Variants in ZAR1 observed in about 807,000 individuals in gnomAD.
ZAR1 encodes the protein zygote arrest 1, also known as zygote arrest protein 1.
A neutral mutation model predicts 38.3 loss-of-function variants in ZAR1; 37 were observed. That is an observed-to-expected ratio of 0.97 (90% CI 0.74 to 1.27). The LOEUF is 1.27. Among genes scored for constraint, ZAR1 ranks in the 50% most tolerant of loss-of-function variants. ZAR1 has a pLI of 0.00. For synonymous variants in ZAR1, 336 were observed against 292.0 expected, an observed-to-expected ratio of 1.15 and a Z score of -1.53; for missense variants, 651 against 632.4, an observed-to-expected ratio of 1.03 and a Z score of -0.32.
chr4:48,490,453 C>A lies in ZAR1; in HGVS notation c.162C>A (p.Cys54Ter), dbSNP rs1309844151. 6.8e-7 allele frequency: 1 copy of A among 1,462,356 alleles called. No homozygotes were observed. The highest frequency in any genetic ancestry group is 2.5e-5 in the Admixed American group (1 of 39,506). The allele number at this position is 1,462,356 out of a possible 1,614,324, so 90.6% of individuals were successfully genotyped here. A position where few individuals can be genotyped will look rare whatever the true frequency, so the allele number is the denominator to read the frequency against. Reference sequence around the variant, plus strand: ...GCTGCCTTCCCGCCTCCTCCCCCTGCTCGGCGGGCGCGGCCTCGTTGTCCT... The same window carrying A: ...GCTGCCTTCCCGCCTCCTCCCCCTGATCGGCGGGCGCGGCCTCGTTGTCCT... The part of the protein sequence containing the change: ...GRGCLPASSP[C>*]SAGAASLSFP... Residue 54 changes from cysteine to a stop codon, truncating the protein, a stop_gained, in exon 1 of 4, where the codon TGC becomes TGA. Coordinates refer to ENST00000327939, the MANE Select transcript of ZAR1 (RefSeq NM_175619.3). LOFTEE classifies it high-confidence loss of function.
chr4:48,490,252 G>T lies in ZAR1; in HGVS notation c.-40G>T, dbSNP rs1270765830. The T allele has an allele frequency of 1.4e-6, 2 of 1,459,738 alleles. No individual in the cohort carries two copies. Among genetic ancestry groups the T allele is most frequent in the Non-Finnish European group, 1.8e-6 (2 of 1,113,316 alleles). The allele number at this position is 1,459,738 out of a possible 1,614,324, so 90.4% of individuals were successfully genotyped here. ...CTCCGCTCGGCCGCCCGGGCAAGTC[G>T]CCTATTTAGGGTGCGGCGGCGGGCG... On this transcript the variant is annotated 5_prime_UTR_variant, in exon 1 of 4. Transcript: ENST00000327939.
Position 48,491,252 on chromosome 4 carries a change from C to T in ZAR1, c.961C>T (p.Gln321Ter). The T allele has an allele frequency of 8.1e-7, 1 of 1,228,284 alleles. No homozygotes were observed. The highest frequency in any genetic ancestry group is 4.2e-5 in the Admixed American group (1 of 23,652). 76.1% of individuals were successfully genotyped at this position (1,228,284 alleles called of 1,614,324 possible). ...PELGKERLRF[Q>*]FLEQKYGYYH... ...GCTGGGCAAGGAGCGGCTGCGCTTC[C>T]AGGTAAAGCCTAGGGCGGTCAGGGC... Residue 321 changes from glutamine to a stop codon, truncating the protein, a stop_gained and splice_region_variant, in exon 1 of 4, where the codon CAG becomes TAG. Coordinates refer to ENST00000327939, the MANE Select transcript of ZAR1 (RefSeq NM_175619.3). LOFTEE classifies it high-confidence loss of function.
chr4:48,490,801 G>A lies in ZAR1; in HGVS notation c.510G>A (p.Pro170=). The A allele has an allele frequency of 5.3e-6, 8 of 1,505,260 alleles. No homozygotes were observed. Among genetic ancestry groups the A allele is most frequent in the South Asian group, 1.2e-5 (1 of 80,566 alleles). 93.2% of individuals were successfully genotyped at this position (1,505,260 alleles called of 1,614,324 possible). Residue 170 remains proline, a synonymous_variant, in exon 1 of 4, where the codon CCG becomes CCA. Transcript: ENST00000327939. ...LEQGSPQNGA[P]RPMRFPRTVA... is the part of the protein sequence containing the mutation. ...AGGGCAGCCCCCAGAACGGCGCCCC[G>A]CGGCCCATGCGCTTCCCGCGCACCG...
At chr4:48,493,164 A>G (rs1299101379) in intron 3 of ZAR1, 152 bp downstream of exon 3, 11 of 675,500 alleles carry the variant, frequency 1.6e-5, no homozygotes, top group Non-Finnish European at 2.5e-5. Flanking sequence ...CTCAGCTGGG[A>G]AACGGGGCCT....
chr4:48,492,700 C>A, intron 1 of ZAR1, 66 bp from the exon 2 acceptor site: 1 of 1,494,016 alleles, frequency 6.7e-7, no homozygotes, highest in South Asian at 1.2e-5. Flanking sequence ...TAGATCCTTC[C>A]CAACGTCTGA....
At position 48,490,949 on chromosome 4, in the gene ZAR1, C is replaced by A; in HGVS notation, c.658C>A (p.Leu220Ile). The A allele has an allele frequency of 7.4e-7, 1 of 1,344,742 alleles. No individual in the cohort carries two copies. The highest frequency in any genetic ancestry group is 9.5e-7 in the Non-Finnish European group (1 of 1,053,348). 83.3% of individuals were successfully genotyped at this position (1,344,742 alleles called of 1,614,324 possible). Residue 220 changes from leucine to isoleucine, a missense_variant, in exon 1 of 4, where the codon CTT becomes ATT. Leu to Ile is a conservative substitution (Grantham distance 5, BLOSUM62 2). This residue lies in a region of ZAR1 where 522 missense variants were observed against 459.9 expected (regional missense o/e 1.14). Coordinates refer to ENST00000327939, the MANE Select transcript of ZAR1 (RefSeq NM_175619.3). ...DGERGPPPARLQGPEEGEVWT... is the reference protein window; with the variant it reads ...DGERGPPPARIQGPEEGEVWT... Reference sequence around the variant, plus strand: ...AGAGAGGGGGCCGCCGCCCGCGCGGCTTCAAGGCCCAGAGGAGGGGGAGGT... The same window carrying A: ...AGAGAGGGGGCCGCCGCCCGCGCGGATTCAAGGCCCAGAGGAGGGGGAGGT...
At chr4:48,494,862 C>CT (rs1718543752), downstream of ZAR1, among the ~76,000 whole-genome samples, 2 of 152,040 alleles carry the variant, frequency 1.3e-5, no homozygotes, top group Non-Finnish European at 2.9e-5. Flanking sequence ...AGGAGGTAAG[C>CT]TACTAGGTGG....
intron 3 of ZAR1, among the ~76,000 whole-genome samples, chr4:48,493,473 G>A (rs952261573): frequency 1.3e-5 from 2 of 152,174 alleles, no homozygotes; most frequent in East Asian, 1.9e-4. Flanking sequence ...AGCTTTATGG[G>A]GAGTTGACTA....
chr4:48,491,619 C>T (rs1408038477), intron 1 of ZAR1, among the ~76,000 whole-genome samples: 1 of 152,230 alleles, frequency 6.6e-6, no homozygotes, highest in Non-Finnish European at 1.5e-5. Flanking sequence ...GAGCACTTGC[C>T]GGCTGGAGAG....
downstream of ZAR1, among the ~76,000 whole-genome samples, chr4:48,494,902 CT>C (rs1324379412): frequency 2.0e-5 from 3 of 152,162 alleles, no homozygotes; most frequent in Non-Finnish European, 1.5e-5. Flanking sequence ...ACCTGGCTCA[CT>C]AGTCAGTTTC....
Position 48,491,162 on chromosome 4 carries a change from C to G in ZAR1, c.871C>G (p.Arg291Gly), listed in dbSNP as rs1718430733. 5 of 1,239,080 alleles carry G rather than the reference C, an allele frequency of 4.0e-6. No homozygotes were observed. In the South Asian group the frequency reaches 1.6e-4, roughly 38 times the overall value. 76.8% of individuals were successfully genotyped at this position (1,239,080 alleles called of 1,614,324 possible). A position where few individuals can be genotyped will look rare whatever the true frequency, so the allele number is the denominator to read the frequency against. ...PGQPPSAGRARDGGDGREAAV... is the reference protein window; with the variant it reads ...PGQPPSAGRAGDGGDGREAAV... The stretch of plus-strand genomic sequence containing the variant: ...GCAACCTCCGTCGGCGGGGAGGGCC[C>G]GAGACGGCGGCGACGGACGGGAGGC... Residue 291 changes from arginine to glycine, a missense_variant, in exon 1 of 4, where the codon CGA (arginine) becomes GGA (glycine). Coordinates refer to ENST00000327939, the MANE Select transcript of ZAR1 (RefSeq NM_175619.3).
Position 48,490,279 on chromosome 4 carries a change from G to A in ZAR1, c.-13G>A. ...CTATTTAGGGTGCGGCGGCGGGCGG[G>A]AGCAGTGCGCCCATGGCGGCCCTGG... On this transcript the variant is annotated 5_prime_UTR_variant, in exon 1 of 4. Transcript: ENST00000327939. The A allele has an allele frequency of 6.7e-7, 1 of 1,494,514 alleles. No individual in the cohort carries two copies. The highest frequency in any genetic ancestry group is 8.9e-7 in the Non-Finnish European group (1 of 1,128,796). 92.6% of individuals were successfully genotyped at this position (1,494,514 alleles called of 1,614,324 possible).
In ZAR1 at chr4:48,490,409, T is replaced by A. The variant is rs748105953; in HGVS notation, c.118T>A (p.Trp40Arg). The change falls in exon 1 of 4, where the codon TGG (tryptophan) becomes AGG (arginine). Residue 40 changes from tryptophan to arginine, a missense_variant. Physicochemically the swap from Trp to Arg is moderately radical, Grantham distance 101. Around this residue, in one of 2 missense-constraint regions of ZAR1, gnomAD observed 522 missense variants for 459.9 expected, o/e 1.14. Coordinates refer to ENST00000327939, the MANE Select transcript of ZAR1 (RefSeq NM_175619.3). Reference protein sequence around the residue: ...TKGKGAAGGSWQQRGRGCLPA... With the variant: ...TKGKGAAGGSRQQRGRGCLPA... ...GGGCAAGGGCGCGGCGGGCGGCAGC[T>A]GGCAGCAGCGCGGCAGGGGCTGCCT... 3 of 1,490,728 alleles carry A rather than the reference T, an allele frequency of 2.0e-6. No homozygotes were observed. The highest frequency in any genetic ancestry group is 2.7e-6 in the Non-Finnish European group (3 of 1,124,392). The allele number at this position is 1,490,728 out of a possible 1,614,324, so 92.3% of individuals were successfully genotyped here.
intron 1 of ZAR1, 31 bp from the exon 2 acceptor site, chr4:48,492,732 TTTG>T (rs1718479590): frequency 6.3e-7 from 1 of 1,589,030 alleles, no homozygotes; most frequent in Non-Finnish European, 8.6e-7. Flanking sequence ...ATTCAGGTGT[TTTG>T]TTGGTTAAAT....
At chr4:48,496,162 C>T (rs1283224811), downstream of ZAR1, among the ~76,000 whole-genome samples, 2 of 152,078 alleles carry the variant, frequency 1.3e-5, no homozygotes, top group Non-Finnish European at 2.9e-5. Flanking sequence ...AAAATCACTC[C>T]AGCTGTACAG....
Position 48,494,374 on chromosome 4 carries a change from AGGTATT to A in ZAR1, c.*132_*137del. 1 of 1,192,902 alleles carries A rather than the reference AGGTATT, an allele frequency of 8.4e-7. No homozygotes were observed. The highest frequency in any genetic ancestry group is 1.2e-6 in the Non-Finnish European group (1 of 839,596). The allele number at this position is 1,192,902 out of a possible 1,614,324, so 73.9% of individuals were successfully genotyped here. On this transcript the variant is annotated 3_prime_UTR_variant, in exon 4 of 4. Coordinates refer to ENST00000327939, the MANE Select transcript of ZAR1 (RefSeq NM_175619.3). ...GTATTCTGAAAAAGCCTTCAAATAA[AGGTATT>A]GCAACACGATTTATACATTGCATAA...
In ZAR1 at chr4:48,491,038, C is replaced by G. The variant is rs979523212; in HGVS notation, c.747C>G (p.Val249=). Residue 249 remains valine, a synonymous_variant, in exon 1 of 4, where the codon GTC becomes GTG. Coordinates refer to ENST00000327939, the MANE Select transcript of ZAR1 (RefSeq NM_175619.3). ...ACGACGGCGAGGCCCAGGCCGCAGT[C>G]CGAGCGAGCTGGGAGCAGCCGGCCG... ...SDDDGEAQAA[V]RASWEQPADG... 1 of 1,354,022 alleles carries G rather than the reference C, an allele frequency of 7.4e-7. No individual in the cohort carries two copies. Among genetic ancestry groups the G allele is most frequent in the Non-Finnish European group, 9.4e-7 (1 of 1,059,042 alleles). 83.9% of individuals were successfully genotyped at this position (1,354,022 alleles called of 1,614,324 possible).
chr4:48,490,966 G>C lies in ZAR1; in HGVS notation c.675G>C (p.Glu225Asp). The change falls in exon 1 of 4, where the codon GAG becomes GAC. Residue 225 changes from glutamate (E) to aspartate (D), a missense_variant. Physicochemically the swap from Glu to Asp is conservative, Grantham distance 45. Coordinates refer to ENST00000327939, the MANE Select transcript of ZAR1 (RefSeq NM_175619.3). ...PPPARLQGPEEGEVWTKKAPR... is the reference protein window; with the variant it reads ...PPPARLQGPEDGEVWTKKAPR... Reference sequence around the variant, plus strand: ...CCGCGCGGCTTCAAGGCCCAGAGGAGGGGGAGGTGTGGACGAAGAAGGCGC... The same window carrying C: ...CCGCGCGGCTTCAAGGCCCAGAGGACGGGGAGGTGTGGACGAAGAAGGCGC... The C allele has an allele frequency of 1.5e-6, 2 of 1,353,944 alleles. No individual in the cohort carries two copies. The highest frequency in any genetic ancestry group is 1.9e-6 in the Non-Finnish European group (2 of 1,059,628). 83.9% of individuals were successfully genotyped at this position (1,353,944 alleles called of 1,614,324 possible). A position where few individuals can be genotyped will look rare whatever the true frequency, so the allele number is the denominator to read the frequency against.
chr4:48,492,009 T>C (rs1335077087), intron 1 of ZAR1, among the ~76,000 whole-genome samples: 1 of 152,100 alleles, frequency 6.6e-6, no homozygotes, highest in Non-Finnish European at 1.5e-5. Context: ...GTATTCCTTT[T>C]GAGGGGCGGG....
Sources: gnomAD v4.1 joint callset for allele counts (sites outside exome capture counted in the v4.1 genomes callset) on GRCh38, gnomAD v4.1.1 for gene constraint, gnomAD v4.1.1 regional missense constraint, MANE v1.5 for transcripts, NCBI Gene and HGNC (gene_info 2026-07-23, HGNC 2026-07-21) for gene names.